RHOBTB1: variants seen among roughly 807,000 people sequenced by gnomAD.
RHOBTB1 encodes rho-related BTB domain-containing protein 1.
In RHOBTB1, 40 loss-of-function variants were observed where a neutral mutation model predicts 71.6. That is an observed-to-expected ratio of 0.56 (90% CI 0.43 to 0.73). The LOEUF is 0.73. Among genes scored for constraint, RHOBTB1 ranks in the 30% least tolerant of loss-of-function variants. The probability of loss-of-function intolerance (pLI) is 0.00; values close to 1 mark genes in which losing one functional copy is unlikely to be tolerated. For missense variants in RHOBTB1, 797 were observed against 894.0 expected (o/e 0.89, Z 1.38); for synonymous variants, 319 against 334.9 (o/e 0.95, Z 0.52).
At chr10:60,916,912 G>A (rs1409068781) in intron 2 of RHOBTB1, among the ~76,000 whole-genome samples, 1 of 152,204 alleles carries the variant, frequency 6.6e-6, no homozygotes, top group East Asian at 1.9e-4. Flanking sequence ...GAGTCAGAGA[G>A]AAATATGAAG....
chr10:60,932,513 T>TAAAAAAAAA (rs3049595), intron 2 of RHOBTB1, among the ~76,000 whole-genome samples: 39 of 107,520 alleles, frequency 3.6e-4, no homozygotes, highest in East Asian at 8.3e-4. Flanking sequence ...TTTCTTAAAG[T>TAAAAAAAAA]AAAAAAAAAA....
chr10:60,896,511 G>A (rs1030565192), intron 4 of RHOBTB1, among the ~76,000 whole-genome samples: 1 of 152,234 alleles, frequency 6.6e-6, no homozygotes, highest in Non-Finnish European at 1.5e-5. Context: ...GGGTACATGA[G>A]ATTGTAAACT....
intron 2 of RHOBTB1, among the ~76,000 whole-genome samples, chr10:60,967,599 G>C (rs1004703539): frequency 6.6e-6 from 1 of 152,184 alleles, no homozygotes; most frequent in African/African-American, 2.4e-5. Flanking sequence ...GTCAAGGAGA[G>C]AATGATGTTT....
chr10:60,994,762 G>A (rs929957632), intron 1 of RHOBTB1, among the ~76,000 whole-genome samples: 1 of 152,014 alleles, frequency 6.6e-6, no homozygotes, highest in Non-Finnish European at 1.5e-5. Flanking sequence ...TGTCATACAT[G>A]CAACTATGAT....
chr10:60,981,070 CTA>C (rs2134801466), intron 2 of RHOBTB1, among the ~76,000 whole-genome samples: 1 of 152,030 alleles, frequency 6.6e-6, no homozygotes, highest in East Asian at 1.9e-4. Context: ...CTGGGAAATT[CTA>C]TGTTTGATAT....
At chr10:60,980,372 G>A (rs750276676) in intron 2 of RHOBTB1, among the ~76,000 whole-genome samples, 4 of 152,038 alleles carry the variant, frequency 2.6e-5, no homozygotes, top group East Asian at 1.9e-4. Context: ...ATGAATATAC[G>A]ATAAAAAAAT....
intron 2 of RHOBTB1, among the ~76,000 whole-genome samples, chr10:60,930,591 G>C (rs2084186398): frequency 6.6e-6 from 1 of 152,178 alleles, no homozygotes. Context: ...GAGTGACATA[G>C]CAGAAAGAAA....
At chr10:60,942,511 C>A (rs1043984788) in intron 1 of RHOBTB1, among the ~76,000 whole-genome samples, 4 of 152,192 alleles carry the variant, frequency 2.6e-5, no homozygotes, top group African/African-American at 9.7e-5. Context: ...CTGGTTAAAC[C>A]TTTTTCCCAT....
intron 2 of RHOBTB1, among the ~76,000 whole-genome samples, chr10:60,929,563 A>G (rs1038893970): frequency 3.9e-5 from 6 of 152,170 alleles, no homozygotes; most frequent in Admixed American, 3.3e-4. Context: ...TATGGAAACC[A>G]AAGCCAAAAA....
chr10:60,914,712 G>C (rs545098980), intron 2 of RHOBTB1, among the ~76,000 whole-genome samples: 1 of 152,274 alleles, frequency 6.6e-6, no homozygotes, highest in African/African-American at 2.4e-5. Flanking sequence ...AGAGTAACAG[G>C]AGCCCTTCTA....
At chr10:60,963,906 C>A (rs1373267380) in intron 2 of RHOBTB1, among the ~76,000 whole-genome samples, 1 of 152,058 alleles carries the variant, frequency 6.6e-6, no homozygotes, top group East Asian at 1.9e-4. Context: ...AGTAGTCATT[C>A]AGTAATACTT....
chr10:60,930,279 T>C (rs999305596), intron 2 of RHOBTB1, among the ~76,000 whole-genome samples: 6 of 152,212 alleles, frequency 3.9e-5, no homozygotes, highest in African/African-American at 1.4e-4. Flanking sequence ...TTCTTATCTG[T>C]GAACTGGGGA....
At position 60,910,943 on chromosome 10, in the gene RHOBTB1, G is replaced by A; in HGVS notation, c.240C>T (p.Leu80=). The A allele has an allele frequency of 6.2e-7, 1 of 1,614,130 alleles. No homozygotes were observed. Among genetic ancestry groups the A allele is most frequent in the Non-Finnish European group, 8.5e-7 (1 of 1,180,018 alleles). Residue 80 remains leucine (L), a synonymous_variant, in exon 4 of 11, where the codon CTC becomes CTT. Coordinates refer to ENST00000337910, the MANE Select transcript of RHOBTB1 (RefSeq NM_014836.5). ...RDVVDEVSVS[L]RLWDTFGDHH... ...GATCACCAAAAGTATCCCAAAGCCT[G>A]AGAGAAACACTCACTTCATCAACAA... is the stretch of plus-strand genomic sequence containing the variant.
chr10:60,988,960 T>G (rs556647650), intron 1 of RHOBTB1, among the ~76,000 whole-genome samples: 1 of 152,316 alleles, frequency 6.6e-6, no homozygotes, highest in East Asian at 1.9e-4. Context: ...ATCAGGAAGT[T>G]TACAGTCTAG....
intron 2 of RHOBTB1, among the ~76,000 whole-genome samples, chr10:60,940,117 A>G (rs2084819805): frequency 6.6e-6 from 1 of 152,234 alleles, no homozygotes; most frequent in African/African-American, 2.4e-5. Flanking sequence ...AACAACTTTT[A>G]CAGGACAGAC....
intron 2 of RHOBTB1, among the ~76,000 whole-genome samples, chr10:60,966,101 T>C (rs1352473787): frequency 1.3e-5 from 2 of 152,064 alleles, no homozygotes; most frequent in Non-Finnish European, 2.9e-5. Context: ...CTAGAAGAAT[T>C]CTATAGCATA....
chr10:60,901,702 A>C (rs963632894), intron 4 of RHOBTB1, among the ~76,000 whole-genome samples: 3 of 152,252 alleles, frequency 2.0e-5, no homozygotes, highest in African/African-American at 4.8e-5. Context: ...TTCTTCTTTC[A>C]TCATGAAAAG....
Position 60,910,944 on chromosome 10 carries a change from A to T in RHOBTB1, c.239T>A (p.Leu80His), listed in dbSNP as rs761577600. 6.2e-7 allele frequency: 1 copy of T among 1,614,148 alleles called. No homozygotes were observed. ...ATCACCAAAAGTATCCCAAAGCCTG[A>T]GAGAAACACTCACTTCATCAACAAC... is the stretch of plus-strand genomic sequence containing the variant. The part of the protein sequence containing the change: ...RDVVDEVSVS[L>H]RLWDTFGDHH... The change falls in exon 4 of 11, where the codon CTC becomes CAC. Residue 80 changes from leucine (L) to histidine (H), a missense_variant. Leu to His is a moderately conservative substitution (Grantham distance 99). Transcript: ENST00000337910.
intron 2 of RHOBTB1, among the ~76,000 whole-genome samples, chr10:60,970,899 G>A (rs1192065129): frequency 2.0e-5 from 3 of 151,968 alleles, no homozygotes; most frequent in Non-Finnish European, 2.9e-5. Context: ...TATTCATGGA[G>A]AGTCAAACTC....
Sources: allele counts gnomAD v4.1 joint callset (sites outside exome capture counted in the v4.1 genomes callset), GRCh38; gene constraint gnomAD v4.1.1; transcripts MANE v1.5; gene names NCBI Gene and HGNC (gene_info 2026-07-23, HGNC 2026-07-21).